Variants in MYT1L observed in about 807,000 individuals in gnomAD.
The protein encoded by MYT1L is myelin transcription factor 1-like protein.
A neutral mutation model predicts 126.7 loss-of-function variants in MYT1L; 12 were observed. That is an observed-to-expected ratio of 0.09 (90% CI 0.06 to 0.15). MYT1L has a LOEUF of 0.15. MYT1L is among the 10% of genes least tolerant of loss of function. The probability of loss-of-function intolerance (pLI) is 1.00; values close to 1 mark genes in which losing one functional copy is unlikely to be tolerated. For synonymous variants in MYT1L, 541 were observed against 604.2 expected, an observed-to-expected ratio of 0.90 and a Z score of 1.53; for missense variants, 979 against 1,585.2, an observed-to-expected ratio of 0.62 and a Z score of 6.49.
intron 4 of MYT1L, among the ~76,000 whole-genome samples, chr2:2,004,386 C>T (rs1354549209): frequency 1.4e-5 from 2 of 139,264 alleles, no homozygotes; most frequent in Admixed American, 6.9e-5. Flanking sequence ...TTCCTGCAGG[C>T]GTTCTTTCCT....
chr2:1,836,723 T>C (rs1375554487), intron 21 of MYT1L, among the ~76,000 whole-genome samples: 2 of 149,590 alleles, frequency 1.3e-5, no homozygotes, highest in Non-Finnish European at 1.5e-5. Context: ...ATCCCAAAAT[T>C]CCATCAGCCT....
intron 21 of MYT1L, among the ~76,000 whole-genome samples, chr2:1,813,765 C>T (rs2037108569): frequency 6.6e-6 from 1 of 151,314 alleles, no homozygotes; most frequent in South Asian, 2.1e-4. Flanking sequence ...CGGTGGCTCA[C>T]GCCTGTAATC....
At chr2:2,029,426 T>G (rs143736437) in intron 4 of MYT1L, among the ~76,000 whole-genome samples, 7 of 152,294 alleles carry the variant, frequency 4.6e-5, no homozygotes, top group African/African-American at 1.7e-4. Context: ...CAAGAGAGCT[T>G]GTGCAGGGGA....
intron 21 of MYT1L, among the ~76,000 whole-genome samples, chr2:1,817,680 C>T (rs6709512): frequency 0.26 from 39,868 of 152,006 alleles, 5,767 homozygotes; most frequent in East Asian, 0.58. Flanking sequence ...GGCCCTGGTG[C>T]GGTGACAGTG....
intron 8 of MYT1L, among the ~76,000 whole-genome samples, chr2:1,976,557 C>A (rs1343913262): frequency 1.3e-5 from 2 of 151,998 alleles, no homozygotes; most frequent in Non-Finnish European, 2.9e-5. Context: ...CATGAGAATA[C>A]CTTGAACCCA....
intron 21 of MYT1L, chr2:1,825,461 TCTTCC>T (rs2039176870): frequency 6.6e-6 from 1 of 152,252 alleles, no homozygotes; most frequent in Non-Finnish European, 1.5e-5. Flanking sequence ...ACCTACTTAC[TCTTCC>T]CTTAAGAATC....
intron 3 of MYT1L, among the ~76,000 whole-genome samples, chr2:2,068,766 C>CTTTTTTTTT (rs1370285207): frequency 1.5e-3 from 9 of 5,856 alleles, no homozygotes; most frequent in East Asian, 6.3e-3. Context: ...CTGTGTTCTT[C>CTTTTTTTTT]TTGTTTTTTT....
intron 3 of MYT1L, among the ~76,000 whole-genome samples, chr2:2,159,305 G>A (rs556425047): frequency 1.8e-4 from 28 of 152,226 alleles, no homozygotes; most frequent in Non-Finnish European, 3.2e-4. Flanking sequence ...CAGTATTCAT[G>A]GTCTCTTCGG....
At chr2:2,079,849 A>T (rs893330505) in intron 3 of MYT1L, among the ~76,000 whole-genome samples, 35 of 151,996 alleles carry the variant, frequency 2.3e-4, no homozygotes, top group African/African-American at 6.0e-4. Context: ...AATCTTGAAT[A>T]AAAAAAATAG....
At chr2:1,926,350 A>G (rs2054228006) in intron 9 of MYT1L, among the ~76,000 whole-genome samples, 1 of 152,176 alleles carries the variant, frequency 6.6e-6, no homozygotes, top group African/African-American at 2.4e-5. Context: ...AGTCATTCAC[A>G]GTGAGCTTTT....
intron 5 of MYT1L, among the ~76,000 whole-genome samples, chr2:1,994,593 G>A (rs2061688694): frequency 1.3e-5 from 2 of 152,188 alleles, no homozygotes; most frequent in African/African-American, 2.4e-5. Flanking sequence ...AGCTCTCTTT[G>A]ATAGCTACAA....
chr2:2,285,160 T>C (rs953580262), intron 1 of MYT1L, among the ~76,000 whole-genome samples: 2 of 152,198 alleles, frequency 1.3e-5, no homozygotes, highest in African/African-American at 4.8e-5. Flanking sequence ...GGAGGTGAGC[T>C]CCATGCCCAA....
chr2:2,224,253 G>T lies in MYT1L; in HGVS notation c.-420-51265C>A, dbSNP rs1260339316. On this transcript the variant is annotated intron_variant, in intron 2 of 24. Coordinates refer to ENST00000647738, the MANE Select transcript of MYT1L (RefSeq NM_001303052.2). This position sits in a 1 kb window ranked among gnomAD's most constrained non-coding sequence, Gnocchi z 4.0. ...CTCCTTGCCCATCTGAGAGCCCATT[G>T]TGCACTCCCTCATTTAAAATAGCAG... Among the ~76,000 whole-genome samples the T allele has an allele frequency of 6.6e-6, 1 of 152,072 alleles. No homozygotes were observed. The highest frequency in any genetic ancestry group is 2.4e-5 in the African/African-American group (1 of 41,418).
chr2:1,970,738 G>C lies in MYT1L; in HGVS notation c.152+8427C>G, dbSNP rs146809295. Among the ~76,000 whole-genome samples the C allele has an allele frequency of 2.0e-3, 309 of 152,300 alleles. 1 individual carries two copies. Among genetic ancestry groups the C allele is most frequent in the African/African-American group, 6.8e-3 (281 of 41,568 alleles). ...TTTCTAGAATCCCCACATGGATGAG[G>C]GTGGTGAGAACTGAACTGTGGTGTT... On this transcript the variant is annotated intron_variant, in intron 8 of 24. Coordinates refer to ENST00000647738, the MANE Select transcript of MYT1L (RefSeq NM_001303052.2).
chr2:1,834,905 T>C (rs12478139), intron 21 of MYT1L, among the ~76,000 whole-genome samples: 3,975 of 33,058 alleles, frequency 0.12, 353 homozygotes, highest in African/African-American at 0.35. Flanking sequence ...TACAGGTACT[T>C]CTCCACATAC....
intron 2 of MYT1L, among the ~76,000 whole-genome samples, chr2:2,203,830 T>G (rs1194437585): frequency 6.6e-6 from 1 of 152,174 alleles, no homozygotes; most frequent in East Asian, 1.9e-4. Context: ...AGAACAAAGC[T>G]GGAGGCATCA....
intron 3 of MYT1L, among the ~76,000 whole-genome samples, chr2:2,104,239 T>C (rs542710011): frequency 6.6e-6 from 1 of 152,296 alleles, no homozygotes; most frequent in South Asian, 2.1e-4. Flanking sequence ...GGGAGTCAAC[T>C]AGCAAAAAGC....
At chr2:2,129,594 T>C (rs2082109968) in intron 3 of MYT1L, among the ~76,000 whole-genome samples, 1 of 151,996 alleles carries the variant, frequency 6.6e-6, no homozygotes, top group South Asian at 2.1e-4. Context: ...CAAACACCAA[T>C]TGCATATTGA....
intron 1 of MYT1L, among the ~76,000 whole-genome samples, chr2:2,321,643 A>G (rs1295025993): frequency 6.6e-6 from 1 of 152,196 alleles, no homozygotes; most frequent in Non-Finnish European, 1.5e-5. Context: ...AACGGCATGA[A>G]GGCACCACTC....
Sources: gnomAD v4.1 joint callset for allele counts (sites outside exome capture counted in the v4.1 genomes callset) on GRCh38, gnomAD v4.1.1 for gene constraint, Gnocchi (gnomAD v3.1) non-coding constraint, MANE v1.5 for transcripts, NCBI Gene and HGNC (gene_info 2026-07-23, HGNC 2026-07-21) for gene names.